The following SLC9A9 variants were observed in gnomAD, a reference collection of about 807,000 sequenced individuals.
The protein encoded by SLC9A9 is sodium/hydrogen exchanger 9.
Under a neutral mutation model 77.8 loss-of-function variants are expected in SLC9A9, and 62 were observed. The observed-to-expected ratio is 0.80, with a 90% CI of 0.65 to 0.98. The LOEUF (loss-of-function observed/expected upper bound fraction) is 0.98. Ranked by LOEUF, SLC9A9 falls within the 50% of genes least tolerant of loss-of-function variation. The pLI is 0.00. For synonymous variants in SLC9A9, 320 were observed against 283.5 expected, an observed-to-expected ratio of 1.13 and a Z score of -1.29; for missense variants, 775 against 774.9, an observed-to-expected ratio of 1.00 and a Z score of 0.00.
At chr3:143,527,392 A>G (rs949091092) in intron 9 of SLC9A9, among the ~76,000 whole-genome samples, 1 of 152,186 alleles carries the variant, frequency 6.6e-6, no homozygotes, top group Admixed American at 6.5e-5. Context: ...GAATTTTCTA[A>G]TGGTTCAGGA....
At chr3:143,486,708 T>C (rs570226993) in intron 11 of SLC9A9, among the ~76,000 whole-genome samples, 2 of 152,040 alleles carry the variant, frequency 1.3e-5, no homozygotes, top group Non-Finnish European at 2.9e-5. Flanking sequence ...GGGGTAAATT[T>C]AAATTAGAAT....
At chr3:143,339,572 A>C (rs1337373457) in intron 14 of SLC9A9, among the ~76,000 whole-genome samples, 2 of 152,168 alleles carry the variant, frequency 1.3e-5, no homozygotes, top group East Asian at 1.9e-4. Context: ...TAACATAAAT[A>C]AATTACTCTT....
intron 9 of SLC9A9, among the ~76,000 whole-genome samples, chr3:143,496,163 A>G (rs145894743): frequency 2.0e-5 from 3 of 152,358 alleles, no homozygotes; most frequent in African/African-American, 7.2e-5. Flanking sequence ...TAGAGTAATA[A>G]CATGCTATGA....
At position 143,301,982 on chromosome 3, in the gene SLC9A9, T is replaced by C. The variant is rs192412720; in HGVS notation, c.1605-33002A>G. ...TGGAAATAAAAGAGGTTCAGAATCCTCATTATCTCAACTTGTCCTCCTTCA... is the reference window on the plus strand; with the variant it reads ...TGGAAATAAAAGAGGTTCAGAATCCCCATTATCTCAACTTGTCCTCCTTCA... On this transcript the variant is annotated intron_variant, in intron 14 of 15. Transcript: ENST00000316549. Among the ~76,000 whole-genome samples, 21 of 152,312 alleles carry C rather than the reference T, an allele frequency of 1.4e-4. No homozygotes were observed. In the East Asian group the frequency reaches 4.0e-3, roughly 29 times the overall value.
intron 5 of SLC9A9, among the ~76,000 whole-genome samples, chr3:143,671,006 C>T (rs1008610729): frequency 5.3e-5 from 8 of 152,174 alleles, no homozygotes; most frequent in Non-Finnish European, 1.0e-4. Context: ...GAATATTGGA[C>T]CTGATTTGTC....
chr3:143,667,052 G>A (rs1039479263), intron 5 of SLC9A9, among the ~76,000 whole-genome samples: 4 of 152,178 alleles, frequency 2.6e-5, no homozygotes, highest in Admixed American at 6.5e-5. Flanking sequence ...GAACAAAGCT[G>A]GAGGCATCAT....
At chr3:143,804,377 T>TCGG (rs2008652956) in intron 2 of SLC9A9, among the ~76,000 whole-genome samples, 1 of 152,166 alleles carries the variant, frequency 6.6e-6, no homozygotes, top group Non-Finnish European at 1.5e-5. Context: ...GAAAGGTTAC[T>TCGG]CGTAGACACT....
chr3:143,776,867 T>C (rs2007708120), intron 4 of SLC9A9, among the ~76,000 whole-genome samples: 1 of 152,234 alleles, frequency 6.6e-6, no homozygotes, highest in South Asian at 2.1e-4. Context: ...TTCCTACATA[T>C]AGTTATTTTT....
intron 1 of SLC9A9, among the ~76,000 whole-genome samples, chr3:143,837,753 T>A (rs990303161): frequency 5.3e-5 from 8 of 152,196 alleles, no homozygotes; most frequent in African/African-American, 1.7e-4. Context: ...ACCCTATTCC[T>A]GTCAATAAGA....
chr3:143,664,353 C>T (rs1450003320), intron 5 of SLC9A9, among the ~76,000 whole-genome samples: 11 of 152,224 alleles, frequency 7.2e-5, no homozygotes, highest in African/African-American at 1.4e-4. Context: ...AAGGAACAAC[C>T]GGTACCAGCC....
chr3:143,338,636 A>G (rs758060056), intron 14 of SLC9A9, among the ~76,000 whole-genome samples: 16 of 152,294 alleles, frequency 1.1e-4, no homozygotes, highest in Middle Eastern at 3.4e-3. Context: ...TGTTTTCACC[A>G]CAGCAACCAC....
At chr3:143,268,732 CAAAAAAAAAAAA>C (rs11312794) in intron 15 of SLC9A9, 131 bp downstream of exon 15, 5 of 236,942 alleles carry the variant, frequency 2.1e-5, no homozygotes, top group South Asian at 2.7e-5. Flanking sequence ...GACTCCGTCT[CAAAAAAAAAAAA>C]AAAAAAAAAA....
rs558349608 is a variant in SLC9A9, at chr3:143,534,021, T to C, written c.1089+18341A>G. On this transcript the variant is annotated intron_variant, in intron 9 of 15. Transcript: ENST00000316549. ...AAGATTTCATATGGTAAAAAGTGGGTATAATAATCACCTTGCCCATATTTC... is the reference window on the plus strand; with the variant it reads ...AAGATTTCATATGGTAAAAAGTGGGCATAATAATCACCTTGCCCATATTTC... 5.3e-5 allele frequency among the ~76,000 whole-genome samples: 8 copies of C among 152,320 alleles called. No homozygotes were observed. The East Asian group carries it at 1.5e-3, about 29-fold the overall frequency.
At chr3:143,588,191 A>T (rs1214628227) in intron 6 of SLC9A9, among the ~76,000 whole-genome samples, 1 of 152,164 alleles carries the variant, frequency 6.6e-6, no homozygotes, top group Admixed American at 6.5e-5. Context: ...CTGTGGAGGA[A>T]ATTCATGCCC....
In SLC9A9 at chr3:143,497,151, TA is replaced by T. The variant is rs2035849971; in HGVS notation, c.1090-1704del. On this transcript the variant is annotated intron_variant, in intron 9 of 15. Transcript: ENST00000316549. ...GCAAAAACATTCTGTCCTTAGTAGC[TA>T]TTTAGTTTTTTAACATCAATAAACA... 3.3e-5 allele frequency among the ~76,000 whole-genome samples: 5 copies of T among 152,350 alleles called. No homozygotes were observed. The East Asian group carries it at 9.6e-4, about 29-fold the overall frequency.
chr3:143,689,231 A>T (rs1157674630), intron 5 of SLC9A9, among the ~76,000 whole-genome samples: 1 of 152,116 alleles, frequency 6.6e-6, no homozygotes, highest in East Asian at 1.9e-4. Context: ...ATTTACCATT[A>T]TCTCTTTCCA....
intron 5 of SLC9A9, among the ~76,000 whole-genome samples, chr3:143,657,663 T>C (rs1413939789): frequency 1.3e-5 from 2 of 152,240 alleles, no homozygotes; most frequent in Non-Finnish European, 2.9e-5. Flanking sequence ...TCCAGCTGTC[T>C]TCATTTGCAC....
At chr3:143,839,493 AAC>A (rs2009651974) in intron 1 of SLC9A9, among the ~76,000 whole-genome samples, 1 of 42,982 alleles carries the variant, frequency 2.3e-5, no homozygotes, top group Non-Finnish European at 4.4e-5. Flanking sequence ...CCCAACAAAC[AAC>A]ACACATACAC....
At chr3:143,468,457 T>C (rs1013860371) in intron 11 of SLC9A9, among the ~76,000 whole-genome samples, 3 of 152,254 alleles carry the variant, frequency 2.0e-5, no homozygotes, top group African/African-American at 4.8e-5. Flanking sequence ...CTTCTTCTAA[T>C]AGCACACTGT....
Sources: allele counts gnomAD v4.1 joint callset (sites outside exome capture counted in the v4.1 genomes callset), GRCh38; gene constraint gnomAD v4.1.1; transcripts MANE v1.5; gene names NCBI Gene and HGNC (gene_info 2026-07-23, HGNC 2026-07-21).